The following MOXD1 variants were observed in gnomAD, a reference collection of about 807,000 sequenced individuals.
MOXD1 encodes monooxygenase DBH like 1, also known as DBH-like monooxygenase protein 1.
A neutral mutation model predicts 66.6 loss-of-function variants in MOXD1; 62 were observed. The observed-to-expected ratio is 0.93, with a 90% CI of 0.76 to 1.15. MOXD1 has a LOEUF of 1.15. MOXD1 is among the 50% of genes most tolerant of loss of function. MOXD1 has a pLI of 0.00. For missense variants in MOXD1, 847 were observed against 754.6 expected (o/e 1.12, Z -1.44); for synonymous variants, 303 against 281.9 (o/e 1.07, Z -0.75).
Position 132,401,250 on chromosome 6 carries a change from G to C in MOXD1, c.177C>G (p.Tyr59Ter). 1 of 1,593,844 alleles carries C rather than the reference G, an allele frequency of 6.3e-7. No individual in the cohort carries two copies. The highest frequency in any genetic ancestry group is 8.5e-7 in the Non-Finnish European group (1 of 1,176,478). Residue 59 changes from tyrosine to a stop codon, truncating the protein, a stop_gained, in exon 1 of 12, where the codon TAC (tyrosine) becomes TAG (stop). Coordinates refer to ENST00000367963, the MANE Select transcript of MOXD1 (RefSeq NM_015529.4). LOFTEE classifies it high-confidence loss of function. ...CGGTGGGCGAGAAGCCGAAGCCCAC[G>C]TAGCCTGCAGTGCGCACCTGGAGGC... ...AFRLQVRTAG[Y>*]VGFGFSPTGA...
At chr6:132,365,743 A>G (rs1312640742) in intron 4 of MOXD1, among the ~76,000 whole-genome samples, 1 of 152,208 alleles carries the variant, frequency 6.6e-6, no homozygotes, top group Non-Finnish European at 1.5e-5. Flanking sequence ...ATGTAACTCA[A>G]GAGGATCTTG....
intron 1 of MOXD1, among the ~76,000 whole-genome samples, chr6:132,387,174 TC>T (rs1776668533): frequency 6.6e-6 from 1 of 151,284 alleles, no homozygotes; most frequent in Admixed American, 6.6e-5. Flanking sequence ...CAATATTACT[TC>T]CTTTGATATG....
rs745950840 is a variant in MOXD1 at position 132,328,502 on chromosome 6, C to T, written c.756G>A (p.Glu252=). 1 of 1,614,124 alleles carries T rather than the reference C, an allele frequency of 6.2e-7. No homozygotes were observed. Among genetic ancestry groups the T allele is most frequent in the South Asian group, 1.1e-5 (1 of 91,074 alleles). The change falls in exon 5 of 12, where the codon GAG becomes GAA. Residue 252 remains glutamate (E), a synonymous_variant. Coordinates refer to ENST00000367963, the MANE Select transcript of MOXD1 (RefSeq NM_015529.4). ...TGGGGTGATAGCACTCGTGGCCGGA[C>T]TCCAGAACGCTGTCGTTAAAGTTGT... ...CSNNFNDSVL[E]SGHECYHPNM... is the part of the protein sequence containing the mutation.
intron 4 of MOXD1, among the ~76,000 whole-genome samples, chr6:132,344,673 C>T (rs1478227811): frequency 6.6e-6 from 1 of 152,152 alleles, no homozygotes; most frequent in Non-Finnish European, 1.5e-5. Flanking sequence ...TGTTGTACCA[C>T]CTTTGAGTGG....
At chr6:132,349,597 C>T in intron 4 of MOXD1, among the ~76,000 whole-genome samples, 1 of 151,000 alleles carries the variant, frequency 6.6e-6, no homozygotes, top group East Asian at 1.9e-4. Context: ...GGGCAAGTAT[C>T]TTTTTCATAT....
intron 10 of MOXD1, among the ~76,000 whole-genome samples, chr6:132,308,930 G>A (rs1181429362): frequency 2.0e-5 from 3 of 152,108 alleles, no homozygotes; most frequent in Non-Finnish European, 4.4e-5. Context: ...ATGGGCAAAA[G>A]CTGGAAGCAT....
chr6:132,372,327 T>A (rs1776279001), intron 4 of MOXD1, among the ~76,000 whole-genome samples: 1 of 152,158 alleles, frequency 6.6e-6, no homozygotes, highest in Non-Finnish European at 1.5e-5. Flanking sequence ...TAATTCCAAT[T>A]GTAGAAATGT....
At chr6:132,335,950 G>A (rs557875252) in intron 4 of MOXD1, among the ~76,000 whole-genome samples, 46 of 152,214 alleles carry the variant, frequency 3.0e-4, no homozygotes, top group Admixed American at 1.7e-3. Flanking sequence ...GGGGTAAAGC[G>A]GGAGAAAGTA....
At chr6:132,364,766 T>C (rs1776083740) in intron 4 of MOXD1, among the ~76,000 whole-genome samples, 1 of 152,192 alleles carries the variant, frequency 6.6e-6, no homozygotes, top group African/African-American at 2.4e-5. Flanking sequence ...ATATAAGCAC[T>C]CTACAGATAC....
At chr6:132,401,123 C>G (rs1200159086) in intron 1 of MOXD1, 40 bp downstream of exon 1, 1 of 1,458,818 alleles carries the variant, frequency 6.9e-7, no homozygotes, top group South Asian at 1.4e-5. Context: ...CGGACGGGAC[C>G]GGGCTCGGCC....
intron 8 of MOXD1, among the ~76,000 whole-genome samples, chr6:132,322,469 G>A (rs770109715): frequency 5.9e-5 from 9 of 152,082 alleles, no homozygotes; most frequent in Non-Finnish European, 1.2e-4. Context: ...AACTTGAATT[G>A]CTCCTGGGAA....
intron 1 of MOXD1, among the ~76,000 whole-genome samples, chr6:132,379,957 G>T (rs551478766): frequency 2.0e-5 from 3 of 152,148 alleles, no homozygotes; most frequent in Non-Finnish European, 2.9e-5. Context: ...TCACCACGTT[G>T]CCCAGGCTGG....
Position 132,297,649 on chromosome 6 carries a change from C to A in MOXD1, c.1677+138G>T, listed in dbSNP as rs1774438994. On this transcript the variant is annotated intron_variant, in intron 11 of 11. Coordinates refer to ENST00000367963, the MANE Select transcript of MOXD1 (RefSeq NM_015529.4). ...GGAGTTTTCAGTCAATCCAAGTAATCATTGAACAAAAATTATCAGACATTA... is the reference window on the plus strand; with the variant it reads ...GGAGTTTTCAGTCAATCCAAGTAATAATTGAACAAAAATTATCAGACATTA... 7.6e-6 allele frequency: 8 copies of A among 1,056,142 alleles called. No homozygotes were observed. In the South Asian group the frequency reaches 1.5e-4, roughly 20 times the overall value. The allele number at this position is 1,056,142 out of a possible 1,614,324, so 65.4% of individuals were successfully genotyped here.
chr6:132,398,611 A>C (rs933481407), intron 1 of MOXD1, among the ~76,000 whole-genome samples: 7 of 152,136 alleles, frequency 4.6e-5, no homozygotes, highest in African/African-American at 1.7e-4. Context: ...CAAAACATGA[A>C]GTCTACTAAT....
chr6:132,326,709 T>A (rs1775194701), intron 6 of MOXD1, among the ~76,000 whole-genome samples: 2 of 152,180 alleles, frequency 1.3e-5, no homozygotes, highest in Admixed American at 1.3e-4. Flanking sequence ...CATAGATTCA[T>A]GGTTCAGAGT....
rs556660462 is a variant in MOXD1, at chr6:132,322,882, A to T, written c.1114-12T>A. On this transcript the variant is annotated splice_polypyrimidine_tract_variant and intron_variant, in intron 7 of 11. Coordinates refer to ENST00000367963, the MANE Select transcript of MOXD1 (RefSeq NM_015529.4). ...TCGGCTTCCAGAGCCTACAGGAGAC[A>T]CCGAGGAAGACCCGATTAGCCCACA... The T allele has an allele frequency of 7.5e-6, 12 of 1,599,442 alleles. No individual in the cohort carries two copies. Among genetic ancestry groups the T allele is most frequent in the Non-Finnish European group, 1.0e-5 (12 of 1,173,906 alleles).
chr6:132,318,612 A>T (rs933854999), intron 9 of MOXD1, among the ~76,000 whole-genome samples: 1 of 152,042 alleles, frequency 6.6e-6, no homozygotes, highest in Non-Finnish European at 1.5e-5. Flanking sequence ...TTCCCAGTTT[A>T]AAACTCTTCT....
At chr6:132,381,465 A>T (rs1332515306) in intron 1 of MOXD1, among the ~76,000 whole-genome samples, 1 of 152,154 alleles carries the variant, frequency 6.6e-6, no homozygotes, top group Non-Finnish European at 1.5e-5. Flanking sequence ...GGCAAAAAAA[A>T]ATTGGGATCC....
chr6:132,315,379 T>C (rs1774920904), intron 10 of MOXD1, among the ~76,000 whole-genome samples: 1 of 152,202 alleles, frequency 6.6e-6, no homozygotes, highest in South Asian at 2.1e-4. Flanking sequence ...GCTTTCACCA[T>C]ATTCATGTTT....
Sources: allele counts gnomAD v4.1 joint callset (sites outside exome capture counted in the v4.1 genomes callset), GRCh38; gene constraint gnomAD v4.1.1; transcripts MANE v1.5; gene names NCBI Gene and HGNC (gene_info 2026-07-23, HGNC 2026-07-21).